TNS1: variants seen among roughly 807,000 people sequenced by gnomAD.
The protein encoded by TNS1 is tensin-1.
TNS1 carries 62 observed loss-of-function variants against 168.6 expected under a neutral mutation model. The ratio of observed to expected loss-of-function variants is 0.37; its 90% CI spans 0.30 to 0.45. The LOEUF (loss-of-function observed/expected upper bound fraction) is 0.45, where lower values mean the gene tolerates loss of function less well. TNS1 is among the 20% of genes least tolerant of loss of function. The probability of loss-of-function intolerance (pLI) is 1.00; values close to 1 mark genes in which losing one functional copy is unlikely to be tolerated. For synonymous variants in TNS1, 934 were observed against 933.2 expected (o/e 1.00, Z -0.02); for missense variants, 2,240 against 2,339.4 (o/e 0.96, Z 0.88).
chr2:217,999,233 C>G (rs1958519875), intron 1 of TNS1, among the ~76,000 whole-genome samples: 2 of 152,338 alleles, frequency 1.3e-5, no homozygotes, highest in South Asian at 2.1e-4. Flanking sequence ...GGGTTGGAGT[C>G]TTGACTCTGA....
intron 18 of TNS1, chr2:217,850,433 C>T: frequency 2.0e-6 from 2 of 985,272 alleles, no homozygotes; most frequent in Non-Finnish European, 2.4e-6. Flanking sequence ...TGAGGACCCC[C>T]CTGAGCAACA....
intron 3 of TNS1, among the ~76,000 whole-genome samples, chr2:217,934,502 G>C (rs1956498553): frequency 6.6e-6 from 1 of 152,184 alleles, no homozygotes; most frequent in Non-Finnish European, 1.5e-5. Flanking sequence ...CTTTGCCTCT[G>C]CACCCCCATC....
chr2:217,830,261 G>A (rs975832692), intron 22 of TNS1: 2 of 1,434,858 alleles, frequency 1.4e-6, no homozygotes, highest in African/African-American at 1.4e-5. Context: ...CCCTTCTACT[G>A]ATCCCCCGTG....
intron 30 of TNS1, among the ~76,000 whole-genome samples, chr2:217,809,277 A>G (rs866618833): frequency 1.3e-5 from 1 of 79,822 alleles, no homozygotes; most frequent in Non-Finnish European, 2.5e-5. Context: ...GGATGGATGG[A>G]TGCATGGATG....
chr2:218,026,586 A>T (rs926632761), intron 1 of TNS1, among the ~76,000 whole-genome samples: 1 of 152,184 alleles, frequency 6.6e-6, no homozygotes, highest in Non-Finnish European at 1.5e-5. Flanking sequence ...TAGAGAAAGG[A>T]AAAGGTGGCT....
chr2:217,843,023 G>C (rs1186482847), intron 19 of TNS1, among the ~76,000 whole-genome samples: 1 of 151,790 alleles, frequency 6.6e-6, no homozygotes, highest in African/African-American at 2.4e-5. Context: ...ATCTTTATTT[G>C]CCACCATTTT....
At chr2:217,884,147 G>GTGGATGGATGGATGGA (rs562041033) in intron 16 of TNS1, among the ~76,000 whole-genome samples, 25,478 of 119,024 alleles carry the variant, frequency 0.21, 2,761 homozygotes, top group Middle Eastern at 0.27. Context: ...GGGTGGGTGG[G>GTGGATGGATGGATGGA]TGGATGGATG....
At position 217,974,568 on chromosome 2, in the gene TNS1, C is replaced by A. The variant is rs942825072; in HGVS notation, c.186+4197G>T. 1.4e-4 allele frequency among the ~76,000 whole-genome samples: 21 copies of A among 152,294 alleles called. No individual in the cohort carries two copies. The South Asian group carries it at 3.3e-3, about 24-fold the overall frequency. On this transcript the variant is annotated intron_variant, in intron 3 of 32. Coordinates refer to ENST00000682258, the MANE Select transcript of TNS1 (RefSeq NM_001387777.1). ...ACACATAGATAACATTGACTATGAGCCGGCACCGAGGCTCTACCTCTACCA... is the reference window on the plus strand; with the variant it reads ...ACACATAGATAACATTGACTATGAGACGGCACCGAGGCTCTACCTCTACCA...
intron 3 of TNS1, among the ~76,000 whole-genome samples, chr2:217,971,491 G>A (rs1381067301): frequency 2.6e-5 from 4 of 152,174 alleles, no homozygotes; most frequent in South Asian, 2.1e-4. Flanking sequence ...ATAAAGGTTC[G>A]TTCCAGTTTG....
chr2:217,906,754 ATC>A (rs1430425194), intron 5 of TNS1, among the ~76,000 whole-genome samples: 2 of 152,018 alleles, frequency 1.3e-5, no homozygotes, highest in African/African-American at 4.8e-5. Context: ...TCGCCAGGAG[ATC>A]TCTCTCGGTA....
intron 12 of TNS1, among the ~76,000 whole-genome samples, chr2:217,889,902 C>G (rs536498393): frequency 6.6e-5 from 10 of 152,312 alleles, no homozygotes; most frequent in East Asian, 3.9e-4. Flanking sequence ...GCAGCCTCCC[C>G]CAAAGACCTC....
chr2:217,978,958 C>T, intron 2 of TNS1, 156 bp from the exon 3 acceptor site: 3 of 560,046 alleles, frequency 5.4e-6, no homozygotes, highest in Non-Finnish European at 9.9e-6. Flanking sequence ...AGGGAGGGGA[C>T]GGAGGGGAGC....
In TNS1 at chr2:217,951,283, C is replaced by T. The variant is rs146480425; in HGVS notation, c.186+27482G>A. 5.6e-3 allele frequency among the ~76,000 whole-genome samples: 852 copies of T among 152,318 alleles called. 11 individuals are homozygous for T. The highest frequency in any genetic ancestry group is 0.019 in the African/African-American group (783 of 41,558). On this transcript the variant is annotated intron_variant, in intron 3 of 32. Transcript: ENST00000682258. ...TAAATGTTGGCTCCCCAGACATTCT[C>T]CTCCTTCAAAGAAGCCGTCACCACC...
chr2:217,958,243 G>A (rs1246970298), intron 3 of TNS1, among the ~76,000 whole-genome samples: 1 of 152,188 alleles, frequency 6.6e-6, no homozygotes, highest in African/African-American at 2.4e-5. Context: ...GAGCAGTCGT[G>A]TAGGATGGTG....
At chr2:217,845,716 G>A (rs368685977) in intron 19 of TNS1, among the ~76,000 whole-genome samples, 14 of 152,176 alleles carry the variant, frequency 9.2e-5, no homozygotes, top group South Asian at 2.1e-4. Flanking sequence ...TCAAGCCTTC[G>A]AAAGCTGGTA....
intron 18 of TNS1, among the ~76,000 whole-genome samples, chr2:217,858,829 G>A (rs1370568155): frequency 1.3e-5 from 2 of 152,032 alleles, no homozygotes; most frequent in African/African-American, 4.8e-5. Context: ...GGGTCCCCAG[G>A]GCTTCACTTA....
upstream of TNS1, among the ~76,000 whole-genome samples, chr2:218,005,661 C>T (rs923197157): frequency 1.3e-5 from 2 of 152,216 alleles, no homozygotes; most frequent in African/African-American, 4.8e-5. Flanking sequence ...GTTTTGTATC[C>T]CCAGAGCCTG....
intron 3 of TNS1, among the ~76,000 whole-genome samples, chr2:217,940,069 C>G (rs2125934571): frequency 6.6e-6 from 1 of 152,364 alleles, no homozygotes; most frequent in East Asian, 1.9e-4. Context: ...GCTGGCCACC[C>G]TGCCACCCCC....
chr2:217,945,510 C>T (rs1256889498), intron 3 of TNS1, among the ~76,000 whole-genome samples: 1 of 152,180 alleles, frequency 6.6e-6, no homozygotes, highest in African/African-American at 2.4e-5. Context: ...AGCATCGCTC[C>T]ACTCATCCTC....
Sources: allele counts gnomAD v4.1 joint callset (sites outside exome capture counted in the v4.1 genomes callset), GRCh38; gene constraint gnomAD v4.1.1; transcripts MANE v1.5; gene names NCBI Gene and HGNC (gene_info 2026-07-23, HGNC 2026-07-21).